TSNAXIP1: variants seen among roughly 807,000 people sequenced by gnomAD.
TSNAXIP1 encodes translin-associated factor X-interacting protein 1.
TSNAXIP1 carries 89 observed loss-of-function variants against 84.8 expected under a neutral mutation model. The observed-to-expected ratio is 1.05, with a 90% confidence interval of 0.88 to 1.25. TSNAXIP1 has a LOEUF of 1.25. Among genes scored for constraint, TSNAXIP1 ranks in the 50% most tolerant of loss-of-function variants. TSNAXIP1 has a pLI of 0.00. For missense variants in TSNAXIP1, 874 were observed against 887.6 expected (o/e 0.98, Z 0.20); for synonymous variants, 347 against 335.2 (o/e 1.04, Z -0.39).
chr16:67,815,196 C>T (rs2056436283), intron 2 of TSNAXIP1, among the ~76,000 whole-genome samples: 1 of 151,560 alleles, frequency 6.6e-6, no homozygotes, highest in South Asian at 2.1e-4. Context: ...CATCTGTAGT[C>T]CCAGCTACTC....
intron 1 of TSNAXIP1, among the ~76,000 whole-genome samples, chr16:67,812,556 C>G (rs1387129331): frequency 6.6e-6 from 1 of 151,660 alleles, no homozygotes; most frequent in Non-Finnish European, 1.5e-5. Flanking sequence ...GTCCCAGCTA[C>G]TCAGGAGGCT....
chr16:67,815,550 A>G (rs1389653136), intron 2 of TSNAXIP1, among the ~76,000 whole-genome samples: 2 of 152,072 alleles, frequency 1.3e-5, no homozygotes, highest in Non-Finnish European at 2.9e-5. Flanking sequence ...CTCTGGCTGG[A>G]GTGCAGTGGC....
chr16:67,807,072 T>C lies in TSNAXIP1; in HGVS notation c.-78T>C, dbSNP rs1388988346. On this transcript the variant is annotated 5_prime_UTR_variant, in exon 1 of 16. Transcript: ENST00000561639. ...CCGCCGCGGGGGGGCCTCTGGGGCC[T>C]GGTCGCCATGGCGACCGGCTGTACG... 1 of 1,513,666 alleles carries C rather than the reference T, an allele frequency of 6.6e-7. No homozygotes were observed. The highest frequency in any genetic ancestry group is 2.5e-5 in the East Asian group (1 of 40,356). The allele number at this position is 1,513,666 out of a possible 1,614,324, so 93.8% of individuals were successfully genotyped here.
intron 1 of TSNAXIP1, among the ~76,000 whole-genome samples, chr16:67,811,861 CT>C (rs1435297082): frequency 1.3e-5 from 2 of 152,164 alleles, no homozygotes; most frequent in African/African-American, 4.8e-5. Flanking sequence ...GGCAGACACT[CT>C]TCCTTCTCCT....
chr16:67,824,928 G>T, intron 6 of TSNAXIP1, 149 bp downstream of exon 6: 1 of 1,111,832 alleles, frequency 9.0e-7, no homozygotes, highest in Non-Finnish European at 1.3e-6. Flanking sequence ...TCCACCCTCT[G>T]CCCTGCTGCT....
At chr16:67,826,937 G>A (rs2057499130) in intron 12 of TSNAXIP1, 26 bp from the exon 13 acceptor site, 5 of 1,613,652 alleles carry the variant, frequency 3.1e-6, no homozygotes, top group Non-Finnish European at 4.2e-6. Context: ...AGGAACAGCA[G>A]GTGAATAATG....
Position 67,826,529 on chromosome 16 carries a change from G to A in TSNAXIP1, c.1368G>A (p.Lys456=), listed in dbSNP as rs768590269. ...AGAAGGACGTGGTCAACCTCCTCAA[G>A]GATGCCTGGAAGGAACGTCTTGCTG... ...PSKKDVVNLL[K]DAWKERLAEE... is the part of the protein sequence containing the mutation. The change falls in exon 11 of 16, where the codon AAG becomes AAA. Residue 456 remains lysine (K), a synonymous_variant. Transcript: ENST00000561639. 4 of 1,614,116 alleles carry A rather than the reference G, an allele frequency of 2.5e-6. No individual in the cohort carries two copies. In the South Asian group the frequency reaches 3.3e-5, roughly 13 times the overall value.
rs541437968 is a variant in TSNAXIP1 at position 67,820,924 on chromosome 16, G to A, written c.233G>A (p.Cys78Tyr). ...GQTILQNRKP[C>Y]SDDYRKRVGS... ...ACCATTTTGCAAAATCGAAAACCCT[G>A]TTCAGATGACTACCGGAAGCGAGTA... The change falls in exon 3 of 16, where the codon TGT becomes TAT. Residue 78 changes from cysteine to tyrosine, a missense_variant. Coordinates refer to ENST00000561639, the MANE Select transcript of TSNAXIP1 (RefSeq NM_001288990.3). The A allele has an allele frequency of 1.5e-5, 24 of 1,604,432 alleles. No individual in the cohort carries two copies. The highest frequency in any genetic ancestry group is 1.1e-4 in the South Asian group (10 of 89,456).
intron 13 of TSNAXIP1, 58 bp from the exon 14 acceptor site, chr16:67,827,190 AG>A: frequency 6.2e-7 from 1 of 1,610,856 alleles, no homozygotes; most frequent in African/African-American, 1.3e-5. Flanking sequence ...TTTGAGCACT[AG>A]GGAGAGGCAC....
In TSNAXIP1 at chr16:67,824,859, C is replaced by T. The variant is rs2057324407; in HGVS notation, c.678+80C>T. 8 of 1,461,574 alleles carry T rather than the reference C, an allele frequency of 5.5e-6. No homozygotes were observed. In the South Asian group the frequency reaches 9.3e-5, roughly 17 times the overall value. The allele number at this position is 1,461,574 out of a possible 1,614,324, so 90.5% of individuals were successfully genotyped here. A position where few individuals can be genotyped will look rare whatever the true frequency, so the allele number is the denominator to read the frequency against. ...GACAAGGGTGACCCCCTACCCTGCT[C>T]TGCCTTTCTACGGAGAGTGACACAC... On this transcript the variant is annotated intron_variant, in intron 6 of 15. Coordinates refer to ENST00000561639, the MANE Select transcript of TSNAXIP1 (RefSeq NM_001288990.3).
At chr16:67,813,641 A>G (rs1598005256) in intron 1 of TSNAXIP1, among the ~76,000 whole-genome samples, 1 of 147,256 alleles carries the variant, frequency 6.8e-6, no homozygotes, top group East Asian at 2.1e-4. Flanking sequence ...GCTGAGGCAG[A>G]GAATTGCTTG....
At chr16:67,807,305 T>A in intron 1 of TSNAXIP1, 109 bp downstream of exon 1, 1 of 1,534,704 alleles carries the variant, frequency 6.5e-7, no homozygotes, top group Non-Finnish European at 8.7e-7. Flanking sequence ...TGACCATTGA[T>A]CTAGGGCTCC....
intron 2 of TSNAXIP1, among the ~76,000 whole-genome samples, chr16:67,816,576 C>T (rs1451784593): frequency 6.6e-6 from 1 of 152,128 alleles, no homozygotes; most frequent in African/African-American, 2.4e-5. Context: ...AGAGACCAAG[C>T]GCAGCCCAAA....
At chr16:67,825,885 T>TG (rs1228697757) in intron 8 of TSNAXIP1, 32 bp from the exon 9 acceptor site, 1 of 1,613,462 alleles carries the variant, frequency 6.2e-7, no homozygotes. Context: ...GTCTCACAGG[T>TG]GGGGGGCCAG....
intron 2 of TSNAXIP1, among the ~76,000 whole-genome samples, chr16:67,815,371 C>G (rs1598017273): frequency 4.0e-5 from 6 of 150,936 alleles, no homozygotes; most frequent in African/African-American, 1.5e-4. Context: ...AGGCTTTTGC[C>G]TGTCAGGGTG....
chr16:67,825,275 A>G lies in TSNAXIP1; in HGVS notation c.814+3A>G. 1 of 1,613,956 alleles carries G rather than the reference A, an allele frequency of 6.2e-7. No homozygotes were observed. Among genetic ancestry groups the G allele is most frequent in the Non-Finnish European group, 8.5e-7 (1 of 1,179,910 alleles). On this transcript the variant is annotated splice_donor_region_variant and intron_variant, in intron 7 of 15. Coordinates refer to ENST00000561639, the MANE Select transcript of TSNAXIP1 (RefSeq NM_001288990.3). ...CATGTCATTAGCCCAGTCGCCAGGT[A>G]AGCCTGAATTGGGAATCGGGTTTCT...
In TSNAXIP1 at chr16:67,824,714, GAGA is replaced by G. The variant is rs751479405; in HGVS notation, c.617_619del (p.Lys206del). 27 of 1,614,060 alleles carry G rather than the reference GAGA, an allele frequency of 1.7e-5. No homozygotes were observed. In the Admixed American group the frequency reaches 2.7e-4, roughly 16 times the overall value. On this transcript the variant is annotated inframe_deletion, in exon 6 of 16. Transcript: ENST00000561639. ...ATATGAAATCTCCCTGCTCAAGAAA[GAGA>G]AGATGAACTTGCTAAAACTCATCGA...
chr16:67,822,827 C>A (rs1208662605), intron 4 of TSNAXIP1, among the ~76,000 whole-genome samples: 1 of 152,174 alleles, frequency 6.6e-6, no homozygotes, highest in East Asian at 1.9e-4. Context: ...AAACTCAGGG[C>A]TGACTCTGGA....
intron 1 of TSNAXIP1, among the ~76,000 whole-genome samples, chr16:67,812,553 C>A (rs1372180004): frequency 6.6e-6 from 1 of 151,628 alleles, no homozygotes. Context: ...GTAGTCCCAG[C>A]TACTCAGGAG....
Sources: gnomAD v4.1 joint callset for allele counts (sites outside exome capture counted in the v4.1 genomes callset) on GRCh38, gnomAD v4.1.1 for gene constraint, MANE v1.5 for transcripts, NCBI Gene and HGNC (gene_info 2026-07-23, HGNC 2026-07-21) for gene names.